Variants in RPL7L1 observed in about 807,000 individuals in gnomAD.
The protein encoded by RPL7L1 is ribosomal protein uL30-like.
RPL7L1 carries 20 observed loss-of-function variants against 30.3 expected under a neutral mutation model. The ratio of observed to expected loss-of-function variants is 0.66; its 90% CI spans 0.46 to 0.96. The LOEUF (loss-of-function observed/expected upper bound fraction) is 0.96. Among genes scored for constraint, RPL7L1 ranks in the 40% least tolerant of loss-of-function variants. RPL7L1 has a pLI of 0.00. For synonymous variants in RPL7L1, 107 were observed against 110.1 expected (o/e 0.97, Z 0.18); for missense variants, 271 against 314.9 (o/e 0.86, Z 1.05).
rs1766372083 is a variant in RPL7L1 at position 42,888,742 on chromosome 6, G to A, written c.*2278G>A. 6.6e-6 allele frequency: 1 copy of A among 152,242 alleles called. No homozygotes were observed. The highest frequency in any genetic ancestry group is 2.4e-5 in the African/African-American group (1 of 41,468). The allele number at this position is 152,242 out of a possible 1,614,324, so 9.4% of individuals were successfully genotyped here. A position where few individuals can be genotyped will look rare whatever the true frequency, so the allele number is the denominator to read the frequency against. ...ATGAACAATTTTGTTTGGCATGGAT[G>A]AAATTAGCACTGTTTGGCTCGTTAG... is the stretch of plus-strand genomic sequence containing the variant. On this transcript the variant is annotated 3_prime_UTR_variant, in exon 6 of 6. Coordinates refer to ENST00000493763, the MANE Select transcript of RPL7L1 (RefSeq NM_001366481.3).
intron 2 of RPL7L1, 23 bp from the exon 3 acceptor site, chr6:42,883,428 A>G (rs771836723): frequency 5.2e-6 from 8 of 1,533,376 alleles, no homozygotes; most frequent in Admixed American, 2.2e-5. Flanking sequence ...CAAGATGATG[A>G]TGATGGTCTG....
intron 2 of RPL7L1, 141 bp from the exon 3 acceptor site, chr6:42,883,310 T>C: frequency 4.9e-6 from 3 of 607,038 alleles, no homozygotes; most frequent in Non-Finnish European, 7.8e-6. Flanking sequence ...TTCCTTTATA[T>C]GAAAATAGAG....
rs199719364 is a variant in RPL7L1 at position 42,884,659 on chromosome 6, C to T, written c.358C>T (p.Arg120Cys). The change falls in exon 4 of 6, where the codon CGC becomes TGC. Residue 120 changes from arginine to cysteine, a missense_variant. Transcript: ENST00000493763. ...GGTGCAGAGAACCATTGCAAGACTT[C>T]GCCTAAAGAAAATTTTTAGTGGTGT... ...LLVQRTIARL[R>C]LKKIFSGVFV... The T allele has an allele frequency of 2.5e-4, 407 of 1,613,712 alleles. 1 individual carries two copies. Among genetic ancestry groups the T allele is most frequent in the Non-Finnish European group, 3.2e-4 (374 of 1,179,822 alleles).
At chr6:42,884,960 A>C (rs1410682646) in intron 4 of RPL7L1, among the ~76,000 whole-genome samples, 1 of 152,208 alleles carries the variant, frequency 6.6e-6, no homozygotes, top group Non-Finnish European at 1.5e-5. Context: ...TGGTTCAGTC[A>C]TAGGCTAAGG....
chr6:42,880,308 CTT>C (rs1204458587), intron 1 of RPL7L1, among the ~76,000 whole-genome samples: 5 of 152,118 alleles, frequency 3.3e-5, no homozygotes, highest in African/African-American at 1.2e-4. Context: ...ACCCTGTTAA[CTT>C]ATACGAACCC....
rs1167442940 is a variant in RPL7L1 at position 42,887,157 on chromosome 6, T to G, written c.*693T>G. On this transcript the variant is annotated 3_prime_UTR_variant, in exon 6 of 6. Coordinates refer to ENST00000493763, the MANE Select transcript of RPL7L1 (RefSeq NM_001366481.3). Reference sequence around the variant, plus strand: ...CTTTTTATTGCTGTTGTCATACTCTTAGGTGCCAAACTGCGGTAAATTTTT... The same window carrying G: ...CTTTTTATTGCTGTTGTCATACTCTGAGGTGCCAAACTGCGGTAAATTTTT... 6.6e-6 allele frequency: 1 copy of G among 152,210 alleles called. No individual in the cohort carries two copies. The highest frequency in any genetic ancestry group is 1.5e-5 in the Non-Finnish European group (1 of 68,044). 9.4% of individuals were successfully genotyped at this position (152,210 alleles called of 1,614,324 possible).
At chr6:42,883,364 A>AT in intron 2 of RPL7L1, 87 bp from the exon 3 acceptor site, 1 of 1,016,294 alleles carries the variant, frequency 9.8e-7, no homozygotes, top group African/African-American at 1.6e-5. Context: ...GAAATAAGCT[A>AT]TATCAGTTGT....
chr6:42,884,700 C>T lies in RPL7L1; in HGVS notation c.399C>T (p.Thr133=). The change falls in exon 4 of 6, where the codon ACC becomes ACT. Residue 133 remains threonine, a synonymous_variant. Coordinates refer to ENST00000493763, the MANE Select transcript of RPL7L1 (RefSeq NM_001366481.3). ...KIFSGVFVKV[T]PQNLKMLRIV... ...TTAGTGGTGTCTTTGTAAAAGTCAC[C>T]CCCCAGAATCTAAAAATGCTGCGTA... The T allele has an allele frequency of 6.2e-7, 1 of 1,613,916 alleles. No homozygotes were observed. The highest frequency in any genetic ancestry group is 8.5e-7 in the Non-Finnish European group (1 of 1,179,928).
intron 1 of RPL7L1, among the ~76,000 whole-genome samples, 181 bp downstream of exon 1, chr6:42,880,132 G>A (rs943405414): frequency 6.6e-6 from 1 of 152,146 alleles, no homozygotes; most frequent in Non-Finnish European, 1.5e-5. Context: ...CCGCGGTCAA[G>A]TTCGGGTTAT....
intron 3 of RPL7L1, 46 bp from the exon 4 acceptor site, chr6:42,884,566 CA>C (rs1443361330): frequency 1.1e-5 from 17 of 1,588,444 alleles, no homozygotes; most frequent in Non-Finnish European, 1.5e-5. Context: ...GCTGGACTGA[CA>C]TAAACTGGAG....
chr6:42,883,691 G>A, intron 3 of RPL7L1, 77 bp downstream of exon 3: 1 of 1,246,856 alleles, frequency 8.0e-7, no homozygotes, highest in South Asian at 1.5e-5. Context: ...TTTCTAGGGA[G>A]ATAATATGCC....
intron 2 of RPL7L1, 86 bp from the exon 3 acceptor site, chr6:42,883,365 T>G: frequency 9.7e-7 from 1 of 1,030,284 alleles, no homozygotes. Context: ...AAATAAGCTA[T>G]ATCAGTTGTC....
At chr6:42,884,478 C>A in intron 3 of RPL7L1, 135 bp from the exon 4 acceptor site, 1 of 716,220 alleles carries the variant, frequency 1.4e-6, no homozygotes, top group South Asian at 2.0e-5. Flanking sequence ...CCGCCTCCCA[C>A]TAAACTGAGC....
Position 42,881,204 on chromosome 6 carries a change from G to A in RPL7L1, c.147+238G>A, listed in dbSNP as rs984059633. 1.1e-4 allele frequency: 32 copies of A among 286,134 alleles called. No individual in the cohort carries two copies. The South Asian group carries it at 1.1e-3, about 10-fold the overall frequency. 17.7% of individuals were successfully genotyped at this position (286,134 alleles called of 1,614,324 possible). ...TAGTAGGCCGGGCGCGGTGGCTCAC[G>A]CCTGTAATCCCTGCACTTTGGGAGG... is the stretch of plus-strand genomic sequence containing the variant. On this transcript the variant is annotated intron_variant, in intron 2 of 5. Transcript: ENST00000493763.
At position 42,883,553 on chromosome 6, in the gene RPL7L1, A is replaced by G; in HGVS notation, c.250A>G (p.Lys84Glu). 6.2e-7 allele frequency: 1 copy of G among 1,610,146 alleles called. No homozygotes were observed. ...GGTGCGTCTCAGACGACTAGAAGTG[A>G]AACCTCATGCCTTGGAATTGCCAGA... ...DKVRLRRLEV[K>E]PHALELPDKH... The change falls in exon 3 of 6, where the codon AAA becomes GAA. Residue 84 changes from lysine (K) to glutamate (E), a missense_variant. Physicochemically the swap from Lys to Glu is moderately conservative, Grantham distance 56. Coordinates refer to ENST00000493763, the MANE Select transcript of RPL7L1 (RefSeq NM_001366481.3).
At chr6:42,882,169 T>C (rs940074635) in intron 2 of RPL7L1, 2 of 152,080 alleles carry the variant, frequency 1.3e-5, no homozygotes, top group Admixed American at 6.6e-5. Flanking sequence ...AGTGCTGGGA[T>C]TACAGGCCTG....
intron 5 of RPL7L1, 32 bp downstream of exon 5, chr6:42,886,115 C>T: frequency 1.4e-6 from 2 of 1,415,782 alleles, no homozygotes; most frequent in Non-Finnish European, 2.0e-6. Flanking sequence ...TCAGCTGGGG[C>T]AGAAAGCCAG....
intron 2 of RPL7L1, 30 bp from the exon 3 acceptor site, chr6:42,883,421 G>C (rs201974116): frequency 6.6e-7 from 1 of 1,508,014 alleles, no homozygotes; most frequent in Non-Finnish European, 8.9e-7. Context: ...GGAGGCACAA[G>C]ATGATGATGA....
rs1134328 is a variant in RPL7L1 at position 42,889,319 on chromosome 6, A to G, written c.*2855A>G. On this transcript the variant is annotated 3_prime_UTR_variant, in exon 6 of 6. Coordinates refer to ENST00000493763, the MANE Select transcript of RPL7L1 (RefSeq NM_001366481.3). ...GCCGGATGTGGTGGTGCATGCCTGT[A>G]ATCCCAGCTACTTGGGAGGCTGAGG... The G allele has an allele frequency of 6.6e-6, 1 of 152,306 alleles. No homozygotes were observed. Among genetic ancestry groups the G allele is most frequent in the Non-Finnish European group, 1.5e-5 (1 of 68,134 alleles). 9.4% of individuals were successfully genotyped at this position (152,306 alleles called of 1,614,324 possible). A position where few individuals can be genotyped will look rare whatever the true frequency, so the allele number is the denominator to read the frequency against.
Sources: gnomAD v4.1 joint callset for allele counts (sites outside exome capture counted in the v4.1 genomes callset) on GRCh38, gnomAD v4.1.1 for gene constraint, MANE v1.5 for transcripts, NCBI Gene and HGNC (gene_info 2026-07-23, HGNC 2026-07-21) for gene names.